The following DSTYK variants were observed in gnomAD, a reference collection of about 807,000 sequenced individuals.
DSTYK encodes the protein dual serine/threonine and tyrosine protein kinase, also known as RIP-homologous kinase.
A neutral mutation model predicts 98.7 loss-of-function variants in DSTYK; 34 were observed. That is an observed-to-expected ratio of 0.34 (90% CI 0.26 to 0.46). The LOEUF (loss-of-function observed/expected upper bound fraction) is 0.46. DSTYK is among the 20% of genes least tolerant of loss of function. The pLI is 1.00. For missense variants in DSTYK, 962 were observed against 1,181.7 expected, an observed-to-expected ratio of 0.81 and a Z score of 2.73; for synonymous variants, 462 against 457.3, an observed-to-expected ratio of 1.01 and a Z score of -0.13.
intron 2 of DSTYK, among the ~76,000 whole-genome samples, chr1:205,172,118 G>A (rs1047256127): frequency 6.6e-5 from 10 of 151,738 alleles, no homozygotes; most frequent in African/African-American, 9.7e-5. Context: ...CACCACGCCC[G>A]GCTAATTTTT....
chr1:205,155,390 T>C (rs1334952199), intron 10 of DSTYK, among the ~76,000 whole-genome samples: 1 of 151,812 alleles, frequency 6.6e-6, no homozygotes, highest in Admixed American at 6.6e-5. Flanking sequence ...ATTTTCTCGC[T>C]GGGTGCAGTG....
In DSTYK at chr1:205,150,768, G is replaced by C; in HGVS notation, c.2379C>G (p.Ile793Met). 6.2e-7 allele frequency: 1 copy of C among 1,614,122 alleles called. No homozygotes were observed. Among genetic ancestry groups the C allele is most frequent in the Non-Finnish European group, 8.5e-7 (1 of 1,180,008 alleles). ...VLLDKQNRAK[I>M]TDLGFCKPEA... ...CTGGCTTGCAGAATCCTAAGTCAGT[G>C]ATCTTGGCACGGTTCTGCTTATCCA... The change falls in exon 11 of 13, where the codon ATC (isoleucine) becomes ATG (methionine). Residue 793 changes from isoleucine (I) to methionine (M), a missense_variant. Physicochemically the swap from Ile to Met is conservative, Grantham distance 10 (BLOSUM62 1). Coordinates refer to ENST00000367162, the MANE Select transcript of DSTYK (RefSeq NM_015375.3). The surrounding 1 kb of genome is among the most constrained non-coding windows in gnomAD (Gnocchi z 4.1).
intron 2 of DSTYK, 96 bp downstream of exon 2, chr1:205,187,322 A>G (rs1408028574): frequency 7.2e-7 from 1 of 1,382,638 alleles, no homozygotes; most frequent in East Asian, 2.5e-5. Flanking sequence ...CTCAGAGTTC[A>G]GACTATATAT....
At chr1:205,159,241 C>T (rs1462735081) in intron 9 of DSTYK, among the ~76,000 whole-genome samples, 1 of 152,048 alleles carries the variant, frequency 6.6e-6, no homozygotes, top group Non-Finnish European at 1.5e-5. Flanking sequence ...AGGTATGAGC[C>T]ACCATACTCA....
rs557306058 is a variant in DSTYK at position 205,180,053 on chromosome 1, G to C, written c.654+7365C>G. ...CTCAAGAGCTAACCCTGGAAGGCCA[G>C]AGATGAATCACTGACAGTGAATTGA... On this transcript the variant is annotated intron_variant, in intron 2 of 12. Coordinates refer to ENST00000367162, the MANE Select transcript of DSTYK (RefSeq NM_015375.3). 2.0e-5 allele frequency among the ~76,000 whole-genome samples: 3 copies of C among 152,354 alleles called. No individual in the cohort carries two copies. In the East Asian group the frequency reaches 5.8e-4, roughly 29 times the overall value.
intron 7 of DSTYK, 114 bp downstream of exon 7, chr1:205,161,144 T>C (rs1007436630): frequency 1.5e-6 from 2 of 1,352,564 alleles, no homozygotes; most frequent in Non-Finnish European, 2.0e-6. Context: ...AGTAAGGGTT[T>C]AGGCAGCTTT....
intron 10 of DSTYK, among the ~76,000 whole-genome samples, chr1:205,155,657 C>CA (rs1249266078): frequency 2.1e-5 from 3 of 145,502 alleles, no homozygotes; most frequent in Non-Finnish European, 4.5e-5. Context: ...GACTCCATCT[C>CA]AAAAAAATTT....
intron 7 of DSTYK, 66 bp from the exon 8 acceptor site, chr1:205,160,336 TTC>T: frequency 6.9e-7 from 1 of 1,457,402 alleles, no homozygotes. Flanking sequence ...CTCTGTAAGA[TTC>T]TTTTTTTTTT....
At chr1:205,162,250 G>A in intron 5 of DSTYK, 38 bp from the exon 6 acceptor site, 1 of 1,606,662 alleles carries the variant, frequency 6.2e-7, no homozygotes, top group Non-Finnish European at 8.5e-7. Context: ...CAAGGAATGA[G>A]AGACAAGAAC....
At chr1:205,171,454 TAAAAAAAAAA>T (rs10536424) in intron 2 of DSTYK, among the ~76,000 whole-genome samples, 1 of 115,178 alleles carries the variant, frequency 8.7e-6, no homozygotes, top group Non-Finnish European at 1.8e-5. Context: ...CTGTCTCAAT[TAAAAAAAAAA>T]AAAAAAAAAA....
rs568612562 is a variant in DSTYK, at chr1:205,185,891, C to T, written c.654+1527G>A. 3.8e-4 allele frequency among the ~76,000 whole-genome samples: 58 copies of T among 152,048 alleles called. 1 individual carries two copies. In the South Asian group the frequency reaches 8.5e-3, roughly 22 times the overall value. ...TACAAAAATTAGCCAGGTGTGGTGG[C>T]GGGTGCCTGTAGTCCCAGCTACTCT... On this transcript the variant is annotated intron_variant, in intron 2 of 12. Transcript: ENST00000367162.
chr1:205,157,886 C>A (rs930216692), intron 9 of DSTYK, among the ~76,000 whole-genome samples: 12 of 152,048 alleles, frequency 7.9e-5, no homozygotes, highest in African/African-American at 2.9e-4. Context: ...TGCAGTTAAG[C>A]CGAACAGATA....
Position 205,179,701 on chromosome 1 carries a change from T to C in DSTYK, c.654+7717A>G, listed in dbSNP as rs1658341021. On this transcript the variant is annotated intron_variant, in intron 2 of 12. Coordinates refer to ENST00000367162, the MANE Select transcript of DSTYK (RefSeq NM_015375.3). The stretch of plus-strand genomic sequence containing the variant: ...CTAGGGTTCTGTATTAAGAAGTATA[T>C]GCTGGTTACAAAGTAAAGGCTTTGT... Among the ~76,000 whole-genome samples the C allele has an allele frequency of 2.6e-5, 4 of 151,876 alleles. No individual in the cohort carries two copies. In the South Asian group the frequency reaches 8.3e-4, roughly 32 times the overall value.
intron 3 of DSTYK, among the ~76,000 whole-genome samples, chr1:205,164,965 G>C (rs1281046843): frequency 6.6e-6 from 1 of 152,134 alleles, no homozygotes; most frequent in Non-Finnish European, 1.5e-5. Flanking sequence ...AGTACAGTTA[G>C]GAAGTAATAC....
rs1302228692 is a variant in DSTYK, at chr1:205,150,730, G to A, written c.2417C>T (p.Ser806Leu). The part of the protein sequence containing the change: ...LGFCKPEAMM[S>L]GSIVGTPIHM... The stretch of plus-strand genomic sequence containing the variant: ...GATTGGTGTCCCCACAATGCTGCCT[G>A]ACATCATGGCCTCTGGCTTGCAGAA... Residue 806 changes from serine (S) to leucine (L), a missense_variant, in exon 11 of 13, where the codon TCA (serine) becomes TTA (leucine). Transcript: ENST00000367162. This position sits in a 1 kb window ranked among gnomAD's most constrained non-coding sequence, Gnocchi z 4.1. 6.2e-7 allele frequency: 1 copy of A among 1,614,092 alleles called. No homozygotes were observed. The highest frequency in any genetic ancestry group is 8.5e-7 in the Non-Finnish European group (1 of 1,180,020).
In DSTYK at chr1:205,143,982, C is replaced by T. The variant is rs919102921; in HGVS notation, c.*3576G>A. 4.6e-5 allele frequency: 7 copies of T among 152,644 alleles called. No homozygotes were observed. The highest frequency in any genetic ancestry group is 9.7e-5 in the African/African-American group (4 of 41,446). 9.5% of individuals were successfully genotyped at this position (152,644 alleles called of 1,614,324 possible). A position where few individuals can be genotyped will look rare whatever the true frequency, so the allele number is the denominator to read the frequency against. On this transcript the variant is annotated 3_prime_UTR_variant, in exon 13 of 13. Transcript: ENST00000367162. ...TCTGGGAACAACCAGCACAGTCCTCCTGAAGCGCTTGCTCAGTCAATGAGC... is the reference window on the plus strand; with the variant it reads ...TCTGGGAACAACCAGCACAGTCCTCTTGAAGCGCTTGCTCAGTCAATGAGC...
intron 1 of DSTYK, chr1:205,202,073 G>A (rs1330739933): frequency 5.3e-6 from 2 of 380,002 alleles, no homozygotes; most frequent in African/African-American, 4.3e-5. Flanking sequence ...TCGGGAAGGG[G>A]AGAGGGGAAA....
chr1:205,200,416 T>C (rs1483858458), intron 1 of DSTYK, among the ~76,000 whole-genome samples: 1 of 152,098 alleles, frequency 6.6e-6, no homozygotes, highest in African/African-American at 2.4e-5. Flanking sequence ...GCAGGTGATC[T>C]GCCCACTTCG....
At position 205,147,283 on chromosome 1, in the gene DSTYK, G is replaced by T. The variant is rs570543445; in HGVS notation, c.*275C>A. 3 of 309,446 alleles carry T rather than the reference G, an allele frequency of 9.7e-6. No homozygotes were observed. In the South Asian group the frequency reaches 3.1e-4, roughly 32 times the overall value. The allele number at this position is 309,446 out of a possible 1,614,324, so 19.2% of individuals were successfully genotyped here. On this transcript the variant is annotated 3_prime_UTR_variant, in exon 13 of 13. Coordinates refer to ENST00000367162, the MANE Select transcript of DSTYK (RefSeq NM_015375.3). ...TAACATCTGCCTCCTTTTCATTTGTGAAGCCAGAACACCACATTCCTCAGC... is the reference window on the plus strand; with the variant it reads ...TAACATCTGCCTCCTTTTCATTTGTTAAGCCAGAACACCACATTCCTCAGC...
Sources: allele counts gnomAD v4.1 joint callset (sites outside exome capture counted in the v4.1 genomes callset), GRCh38; gene constraint gnomAD v4.1.1; non-coding constraint Gnocchi (gnomAD v3.1); transcripts MANE v1.5; gene names NCBI Gene and HGNC (gene_info 2026-07-23, HGNC 2026-07-21).